The following GALNT16 variants were observed in gnomAD, a reference collection of about 807,000 sequenced individuals.
GALNT16 encodes polypeptide N-acetylgalactosaminyltransferase 16.
Under a neutral mutation model 76.1 loss-of-function variants are expected in GALNT16, and 40 were observed. The ratio of observed to expected loss-of-function variants is 0.53; its 90% confidence interval spans 0.41 to 0.68. GALNT16 has a LOEUF of 0.68. GALNT16 is among the 30% of genes least tolerant of loss of function. GALNT16 has a pLI of 0.00. For missense variants in GALNT16, 621 were observed against 731.9 expected (o/e 0.85, Z 1.75); for synonymous variants, 276 against 285.2 (o/e 0.97, Z 0.32).
intron 3 of GALNT16, 64 bp downstream of exon 3, chr14:69,324,854 G>A (rs191575992): frequency 2.3e-5 from 25 of 1,072,644 alleles, no homozygotes; most frequent in African/African-American, 1.1e-4. Flanking sequence ...GGGATTGGGC[G>A]CTGTGGCCAG....
intron 1 of GALNT16, among the ~76,000 whole-genome samples, chr14:69,267,024 C>T (rs2044349571): frequency 6.6e-6 from 1 of 152,218 alleles, no homozygotes; most frequent in Non-Finnish European, 1.5e-5. Context: ...CACCTTGAGT[C>T]TGACCTTCCC....
chr14:69,346,943 G>A (rs1483906128), intron 12 of GALNT16, 97 bp from the exon 13 acceptor site: 12 of 1,488,352 alleles, frequency 8.1e-6, no homozygotes, highest in South Asian at 2.3e-5. Flanking sequence ...CGGAGACCTC[G>A]GCGCTCCCAG....
At chr14:69,328,738 A>C (rs893139522) in intron 6 of GALNT16, among the ~76,000 whole-genome samples, 167 bp downstream of exon 6, 1 of 152,190 alleles carries the variant, frequency 6.6e-6, no homozygotes, top group African/African-American at 2.4e-5. Context: ...CTCATCTGAA[A>C]ATGGGGATAA....
At chr14:69,364,405 C>T in the GALNT16 span, among the ~76,000 whole-genome samples, 73 of 152,156 alleles carry the variant, frequency 4.8e-4, no homozygotes, top group Non-Finnish European at 1.0e-4. The surrounding 1 kb of genome is among the most constrained non-coding windows in gnomAD (Gnocchi z 4.2). Flanking sequence ...AGAGATGATG[C>T]GGTACATACA....
chr14:69,301,341 G>A (rs1455345589), intron 1 of GALNT16, among the ~76,000 whole-genome samples: 1 of 152,186 alleles, frequency 6.6e-6, no homozygotes, highest in Non-Finnish European at 1.5e-5. Context: ...GACAGAGTAT[G>A]TAGCTTTATT....
At chr14:69,376,342 TTA>T in the GALNT16 span, among the ~76,000 whole-genome samples, 3 of 152,182 alleles carry the variant, frequency 2.0e-5, no homozygotes, top group African/African-American at 4.8e-5. Context: ...AGTGGTCAGA[TTA>T]TGTTTCCTCA....
the GALNT16 span, among the ~76,000 whole-genome samples, chr14:69,362,435 G>A: frequency 6.6e-6 from 1 of 152,240 alleles, no homozygotes; most frequent in East Asian, 1.9e-4. Context: ...TGCTCATTAA[G>A]CAGTGAGGCT....
At chr14:69,311,921 G>A (rs1383937270) in intron 1 of GALNT16, among the ~76,000 whole-genome samples, 1 of 151,420 alleles carries the variant, frequency 6.6e-6, no homozygotes, top group East Asian at 1.9e-4. Flanking sequence ...TAATATGTTG[G>A]GGCAGGGGTG....
intron 10 of GALNT16, 119 bp from the exon 11 acceptor site, chr14:69,339,408 T>C: frequency 1.4e-6 from 1 of 731,206 alleles, no homozygotes; most frequent in Non-Finnish European, 2.5e-6. Context: ...ACCATCCAAG[T>C]ATCACCTTGC....
At chr14:69,323,831 T>C (rs1228125968) in intron 2 of GALNT16, among the ~76,000 whole-genome samples, 2 of 152,124 alleles carry the variant, frequency 1.3e-5, no homozygotes, top group East Asian at 1.9e-4. Context: ...GTAGAATGAA[T>C]GCCACAATGA....
At chr14:69,313,121 A>T (rs535358594) in intron 1 of GALNT16, among the ~76,000 whole-genome samples, 1 of 152,200 alleles carries the variant, frequency 6.6e-6, no homozygotes, top group South Asian at 2.1e-4. Context: ...TGCACAGTAG[A>T]CCCTCAATGA....
chr14:69,345,943 A>G (rs1451394613), intron 12 of GALNT16, among the ~76,000 whole-genome samples: 2 of 152,154 alleles, frequency 1.3e-5, no homozygotes, highest in Non-Finnish European at 2.9e-5. Context: ...ACTGACATGC[A>G]GTGGTGGCAT....
At position 69,309,297 on chromosome 14, in the gene GALNT16, C is replaced by T. The variant is rs564056953; in HGVS notation, c.178-11414C>T. Among the ~76,000 whole-genome samples the T allele has an allele frequency of 1.3e-3, 203 of 150,708 alleles. 2 individuals are homozygous for T. The highest frequency in any genetic ancestry group is 0.011 in the South Asian group (53 of 4,778). On this transcript the variant is annotated intron_variant, in intron 1 of 14. Coordinates refer to ENST00000448469, the MANE Select transcript of GALNT16 (RefSeq NM_001168368.2). ...CTTTCTTTCTTTCTTCCTTTCTTTTCCTTCTTTTTTTTTTTTTTTATTTGA... is the reference window on the plus strand; with the variant it reads ...CTTTCTTTCTTTCTTCCTTTCTTTTTCTTCTTTTTTTTTTTTTTTATTTGA...
At chr14:69,284,023 C>T (rs1229380582) in intron 1 of GALNT16, among the ~76,000 whole-genome samples, 4 of 152,176 alleles carry the variant, frequency 2.6e-5, no homozygotes, top group African/African-American at 9.7e-5. Context: ...AATGATTTGG[C>T]TCATCCTTAC....
At chr14:69,367,424 A>G in the GALNT16 span, among the ~76,000 whole-genome samples, 5 of 151,940 alleles carry the variant, frequency 3.3e-5, no homozygotes, top group Non-Finnish European at 7.4e-5. Context: ...ATGTGAGGGT[A>G]CAACAAGAAG....
At chr14:69,285,795 TCA>T (rs2044603356) in intron 1 of GALNT16, among the ~76,000 whole-genome samples, 1 of 152,172 alleles carries the variant, frequency 6.6e-6, no homozygotes, top group African/African-American at 2.4e-5. Flanking sequence ...GTGCCATCTC[TCA>T]CACAGAGTTT....
intron 11 of GALNT16, among the ~76,000 whole-genome samples, chr14:69,341,063 C>G (rs1263036539): frequency 2.0e-5 from 3 of 152,128 alleles, no homozygotes; most frequent in Non-Finnish European, 2.9e-5. Flanking sequence ...TTACTTAGCA[C>G]CTGCCCTGTG....
intron 1 of GALNT16, among the ~76,000 whole-genome samples, chr14:69,297,438 T>C (rs1350182225): frequency 1.3e-5 from 2 of 152,206 alleles, no homozygotes; most frequent in Non-Finnish European, 2.9e-5. Context: ...GGGCTATTCT[T>C]ATACACCTTG....
intron 1 of GALNT16, among the ~76,000 whole-genome samples, chr14:69,283,711 G>A (rs1390458554): frequency 6.6e-6 from 1 of 152,232 alleles, no homozygotes; most frequent in African/African-American, 2.4e-5. Flanking sequence ...TCACAGGGTA[G>A]TTAAGAAGAT....
Sources: gnomAD v4.1 joint callset for allele counts (sites outside exome capture counted in the v4.1 genomes callset) on GRCh38, gnomAD v4.1.1 for gene constraint, Gnocchi (gnomAD v3.1) non-coding constraint, MANE v1.5 for transcripts, NCBI Gene and HGNC (gene_info 2026-07-23, HGNC 2026-07-21) for gene names.